Variants in ISM2 observed in about 807,000 individuals in gnomAD.
ISM2 encodes isthmin-2.
A neutral mutation model predicts 58.0 loss-of-function variants in ISM2; 50 were observed. That is an observed-to-expected ratio of 0.86 (90% CI 0.69 to 1.09). The LOEUF (loss-of-function observed/expected upper bound fraction) is 1.09. Among genes scored for constraint, ISM2 ranks in the 50% least tolerant of loss-of-function variants. The pLI is 0.00. For synonymous variants in ISM2, 303 were observed against 312.4 expected, an observed-to-expected ratio of 0.97 and a Z score of 0.32; for missense variants, 723 against 745.0, an observed-to-expected ratio of 0.97 and a Z score of 0.34.
chr14:77,498,420 C>G, intron 1 of ISM2: 1 of 1,255,678 alleles, frequency 8.0e-7, no homozygotes, highest in Non-Finnish European at 1.1e-6. Flanking sequence ...TGTCACCCGG[C>G]TGGTCCGCGG....
chr14:77,485,396 C>T (rs761481237), intron 1 of ISM2, among the ~76,000 whole-genome samples: 11 of 152,342 alleles, frequency 7.2e-5, no homozygotes, highest in African/African-American at 2.2e-4. Context: ...TGCTCCTGTC[C>T]GCTAGGCCCC....
intron 1 of ISM2, among the ~76,000 whole-genome samples, chr14:77,492,820 C>T (rs1428877535): frequency 3.3e-5 from 5 of 152,042 alleles, no homozygotes; most frequent in Non-Finnish European, 5.9e-5. Context: ...CCAGCCTGAC[C>T]AACATAGCTA....
At chr14:77,496,679 C>T (rs2079243258) in intron 1 of ISM2, among the ~76,000 whole-genome samples, 1 of 151,386 alleles carries the variant, frequency 6.6e-6, no homozygotes, top group Non-Finnish European at 1.5e-5. Flanking sequence ...AGCCTGTGAT[C>T]CCAGCTACTG....
chr14:77,484,696 G>C lies in ISM2; in HGVS notation c.365C>G (p.Thr122Ser). The change falls in exon 2 of 7, where the codon ACC becomes AGC. Residue 122 changes from threonine to serine, a missense_variant. Coordinates refer to ENST00000342219, the MANE Select transcript of ISM2 (RefSeq NM_199296.3). ...LPGLANTTLS[T>S]PNPDTQASAS... Reference sequence around the variant, plus strand: ...TCTCACCTGGGTATCAGGGTTAGGGGTACTCAAGGTTGTGTTGGCCAATCC... The same window carrying C: ...TCTCACCTGGGTATCAGGGTTAGGGCTACTCAAGGTTGTGTTGGCCAATCC... The C allele has an allele frequency of 6.2e-7, 1 of 1,610,116 alleles. No homozygotes were observed. Among genetic ancestry groups the C allele is most frequent in the South Asian group, 1.1e-5 (1 of 90,942 alleles).
rs149672022 is a variant in ISM2 at position 77,488,372 on chromosome 14, G to C, written c.142-3453C>G. 3.8e-4 allele frequency among the ~76,000 whole-genome samples: 58 copies of C among 152,244 alleles called. 1 individual carries two copies. Among genetic ancestry groups the C allele is most frequent in the Middle Eastern group, 6.8e-3 (2 of 294 alleles). On this transcript the variant is annotated intron_variant, in intron 1 of 6. Transcript: ENST00000342219. ...ACTGGGATTCAGCTCAGCCCAGCCT[G>C]ATCTCAACACCTGCGCACTGGTGCA... is the stretch of plus-strand genomic sequence containing the variant.
At chr14:77,479,114 T>C (rs2079116451) in intron 4 of ISM2, among the ~76,000 whole-genome samples, 1 of 152,338 alleles carries the variant, frequency 6.6e-6, no homozygotes, top group South Asian at 2.1e-4. Flanking sequence ...TTGCCCAGGC[T>C]GGAGTGCAAT....
In ISM2 at chr14:77,475,719, ATCCAGGG is replaced by A; in HGVS notation, c.1585_1591del (p.Pro529SerfsTer32). On this transcript the variant is annotated frameshift_variant, in exon 7 of 7. Transcript: ENST00000342219. LOFTEE classifies it high-confidence loss of function. This position sits in a 1 kb window ranked among gnomAD's most constrained non-coding sequence, Gnocchi z 4.1. ...GCGGCTCCAGTCCCCCTTGCACAGGATCCAGGGCGTCGTGTCGAACTTGAAGTGCAGC... is the reference window on the plus strand; with the variant it reads ...GCGGCTCCAGTCCCCCTTGCACAGGACGTCGTGTCGAACTTGAAGTGCAGC... 6.2e-7 allele frequency: 1 copy of A among 1,614,044 alleles called. No individual in the cohort carries two copies. Among genetic ancestry groups the A allele is most frequent in the Non-Finnish European group, 8.5e-7 (1 of 1,180,024 alleles).
At chr14:77,490,603 T>C (rs900632775) in intron 1 of ISM2, among the ~76,000 whole-genome samples, 20 of 152,258 alleles carry the variant, frequency 1.3e-4, no homozygotes, top group African/African-American at 4.6e-4. Flanking sequence ...TCTTAAGCCT[T>C]GTGCTTTGCT....
rs752325339 is a variant in ISM2 at position 77,478,720 on chromosome 14, G to A, written c.974-5C>T. 6.2e-6 allele frequency: 10 copies of A among 1,608,548 alleles called. No individual in the cohort carries two copies. The South Asian group carries it at 8.8e-5, about 14-fold the overall frequency. On this transcript the variant is annotated splice_polypyrimidine_tract_variant and splice_region_variant and intron_variant, in intron 4 of 6. Transcript: ENST00000342219. ...ACTCCTTCTGAGGCTCATAGTCTGG[G>A]TTAAGACAGGGAGTTGGGGGTGAGT... is the stretch of plus-strand genomic sequence containing the variant.
chr14:77,482,654 AC>A lies in ISM2; in HGVS notation c.640del (p.Val214TrpfsTer11), dbSNP rs746833042. Reference sequence around the variant, plus strand: ...CACCTCGGCCTGGGGGTCCTCCACCACCTTGATGGTCACCTGCAGGAGACAG... The same window carrying A: ...CACCTCGGCCTGGGGGTCCTCCACCACTTGATGGTCACCTGCAGGAGACAG... ...PNPDNQVTIK[V>X]VEDPQAEVSI... is the part of the protein sequence containing the mutation. On this transcript the variant is annotated frameshift_variant, in exon 4 of 7. Coordinates refer to ENST00000342219, the MANE Select transcript of ISM2 (RefSeq NM_199296.3). LOFTEE classifies it high-confidence loss of function. The A allele has an allele frequency of 6.5e-7, 1 of 1,546,630 alleles. No individual in the cohort carries two copies. The highest frequency in any genetic ancestry group is 8.7e-7 in the Non-Finnish European group (1 of 1,150,842).
intron 6 of ISM2, 109 bp from the exon 7 acceptor site, chr14:77,476,221 G>C: frequency 7.8e-7 from 1 of 1,286,982 alleles, no homozygotes; most frequent in Non-Finnish European, 1.0e-6. Context: ...CCAGGCCCCA[G>C]CTGGTGCAAA....
In ISM2 at chr14:77,484,445, C is replaced by T; in HGVS notation, c.505G>A (p.Ala169Thr). The T allele has an allele frequency of 1.2e-6, 2 of 1,612,590 alleles. No homozygotes were observed. Among genetic ancestry groups the T allele is most frequent in the Non-Finnish European group, 1.7e-6 (2 of 1,179,432 alleles). ...GGCGTGGCATTCCCTGGGGTCAGGG[C>T]TGCTGGCTCAGTGACAGTCCAACAT... ...HGCWTVTEPA[A>T]LTPGNATPPR... The change falls in exon 3 of 7, where the codon GCC becomes ACC. Residue 169 changes from alanine to threonine, a missense_variant. Coordinates refer to ENST00000342219, the MANE Select transcript of ISM2 (RefSeq NM_199296.3).
chr14:77,484,983 G>A, intron 1 of ISM2, 64 bp from the exon 2 acceptor site: 1 of 1,504,774 alleles, frequency 6.6e-7, no homozygotes, highest in Non-Finnish European at 8.9e-7. Context: ...ATCCGGAAAA[G>A]GCTGGCCAGG....
intron 1 of ISM2, among the ~76,000 whole-genome samples, chr14:77,489,741 A>G (rs1003452952): frequency 3.9e-5 from 6 of 152,360 alleles, no homozygotes; most frequent in Non-Finnish European, 8.8e-5. Flanking sequence ...CTGACCAAGC[A>G]TAGTGCTCCC....
intron 1 of ISM2, 25 bp downstream of exon 1, chr14:77,498,628 G>A: frequency 1.4e-6 from 2 of 1,428,406 alleles, no homozygotes; most frequent in Non-Finnish European, 1.8e-6. Context: ...AGCGCGCTCC[G>A]CAGCCCGGTG....
At chr14:77,496,585 C>T (rs2079242443) in intron 1 of ISM2, among the ~76,000 whole-genome samples, 1 of 150,332 alleles carries the variant, frequency 6.7e-6, no homozygotes, top group Admixed American at 6.6e-5. Flanking sequence ...AGTTCGAGAC[C>T]AGCCAGTTCG....
intron 1 of ISM2, among the ~76,000 whole-genome samples, chr14:77,493,742 G>A (rs1338108454): frequency 2.6e-5 from 4 of 152,152 alleles, no homozygotes; most frequent in Non-Finnish European, 4.4e-5. Flanking sequence ...GATTATAGGC[G>A]TGAGCCACTG....
At chr14:77,490,516 C>T (rs1381005739) in intron 1 of ISM2, among the ~76,000 whole-genome samples, 1 of 152,190 alleles carries the variant, frequency 6.6e-6, no homozygotes, top group East Asian at 1.9e-4. Flanking sequence ...AGAGAGGTAA[C>T]GTAACTTGCC....
At position 77,475,004 on chromosome 14, in the gene ISM2, G is replaced by C. The variant is rs942488072; in HGVS notation, c.*591C>G. ...AAAGTTGGTGTCCAACAGAAAGGCA[G>C]CTTGGGGCTACAGATAGCCTCCTGT... On this transcript the variant is annotated 3_prime_UTR_variant, in exon 7 of 7. Transcript: ENST00000342219. The surrounding 1 kb of genome is among the most constrained non-coding windows in gnomAD (Gnocchi z 4.1). 2 of 152,332 alleles carry C rather than the reference G, an allele frequency of 1.3e-5. No individual in the cohort carries two copies. Among genetic ancestry groups the C allele is most frequent in the African/African-American group, 4.8e-5 (2 of 41,474 alleles). The allele number at this position is 152,332 out of a possible 1,614,324, so 9.4% of individuals were successfully genotyped here.
Sources: allele counts gnomAD v4.1 joint callset (sites outside exome capture counted in the v4.1 genomes callset), GRCh38; gene constraint gnomAD v4.1.1; non-coding constraint Gnocchi (gnomAD v3.1); transcripts MANE v1.5; gene names NCBI Gene and HGNC (gene_info 2026-07-23, HGNC 2026-07-21).